LIPH: variants seen among roughly 807,000 people sequenced by gnomAD.
LIPH encodes lipase member H.
In LIPH, 32 loss-of-function variants were observed where a neutral mutation model predicts 47.6. The observed-to-expected ratio is 0.67, with a 90% CI of 0.51 to 0.90. The LOEUF (loss-of-function observed/expected upper bound fraction) is 0.90. LIPH is among the 40% of genes least tolerant of loss of function. The pLI, the probability that LIPH is intolerant of heterozygous loss-of-function variation, is 0.00. For synonymous variants in LIPH, 190 were observed against 195.6 expected (o/e 0.97, Z 0.24); for missense variants, 497 against 541.4 (o/e 0.92, Z 0.81).
Position 185,506,605 on chromosome 3 carries a change from G to A in LIPH, c.*2185C>T, listed in dbSNP as rs1719384360. ...CACACCTGTAATCCCAGAACTTTGA[G>A]AGGCCAAGGCCAGTGGATCACAAGG... On this transcript the variant is annotated 3_prime_UTR_variant, in exon 10 of 10. Transcript: ENST00000296252. The A allele has an allele frequency of 6.6e-6, 1 of 152,140 alleles. No individual in the cohort carries two copies. Among genetic ancestry groups the A allele is most frequent in the African/African-American group, 2.4e-5 (1 of 41,406 alleles). The allele number at this position is 152,140 out of a possible 1,614,324, so 9.4% of individuals were successfully genotyped here. A position where few individuals can be genotyped will look rare whatever the true frequency, so the allele number is the denominator to read the frequency against.
At position 185,534,783 on chromosome 3, in the gene LIPH, T is replaced by A. The variant is rs368077903; in HGVS notation, c.399A>T (p.Glu133Asp). Residue 133 changes from glutamate to aspartate, a missense_variant, in exon 2 of 10, where the codon GAA becomes GAT. Physicochemically the swap from Glu to Asp is conservative, Grantham distance 45. Coordinates refer to ENST00000296252, the MANE Select transcript of LIPH (RefSeq NM_139248.3). Reference sequence around the variant, plus strand: ...CTCTTACCAACATCTGGTCAATAAATTCCTTCAAGACCATGGCTACTTTTC... The same window carrying A: ...CTCTTACCAACATCTGGTCAATAAAATCCTTCAAGACCATGGCTACTTTTC... ...KTRKVAMVLK[E>D]FIDQMLAEGA... 3.1e-6 allele frequency: 5 copies of A among 1,613,790 alleles called. No homozygotes were observed. Among genetic ancestry groups the A allele is most frequent in the South Asian group, 1.1e-5 (1 of 91,062 alleles).
At position 185,533,596 on chromosome 3, in the gene LIPH, G is replaced by A. The variant is rs751934087; in HGVS notation, c.501C>T (p.Tyr167=). The A allele has an allele frequency of 1.4e-5, 23 of 1,612,980 alleles. No individual in the cohort carries two copies. Among genetic ancestry groups the A allele is most frequent in the East Asian group, 4.5e-5 (2 of 44,880 alleles). The change falls in exon 3 of 10, where the codon TAC becomes TAT. Residue 167 remains tyrosine (Y), a synonymous_variant. Coordinates refer to ENST00000296252, the MANE Select transcript of LIPH (RefSeq NM_139248.3). ...AHISGFVGEM[Y]DGWLGRITGL... is the part of the protein sequence containing the mutation. Reference sequence around the variant, plus strand: ...CTGTAATTCTCCCCAGCCATCCATCGTACATCTCTCCAACAAACCCAGATA... The same window carrying A: ...CTGTAATTCTCCCCAGCCATCCATCATACATCTCTCCAACAAACCCAGATA...
At chr3:185,515,798 T>C (rs1224841304) in intron 7 of LIPH, among the ~76,000 whole-genome samples, 1 of 152,206 alleles carries the variant, frequency 6.6e-6, no homozygotes, top group East Asian at 1.9e-4. Flanking sequence ...CCCAAAATGC[T>C]GGGAATGCAG....
rs1292070026 is a variant in LIPH at position 185,509,523 on chromosome 3, C to T, written c.1269-646G>A. Among the ~76,000 whole-genome samples the T allele has an allele frequency of 5.9e-5, 9 of 151,884 alleles. No individual in the cohort carries two copies. The South Asian group carries it at 8.3e-4, about 14-fold the overall frequency. ...CGTGTGCCTGTAATCCCAGCTACTT[C>T]GGAGGCTGAAGCAGGAGAATTGCTT... On this transcript the variant is annotated intron_variant, in intron 9 of 9. Transcript: ENST00000296252.
chr3:185,547,804 A>T (rs1423829250), intron 1 of LIPH, among the ~76,000 whole-genome samples: 1 of 151,518 alleles, frequency 6.6e-6, no homozygotes, highest in Non-Finnish European at 1.5e-5. Flanking sequence ...CAGCCTGGGC[A>T]ACAAGAGCAA....
chr3:185,532,275 G>A (rs1250802020), intron 3 of LIPH, among the ~76,000 whole-genome samples: 5 of 152,032 alleles, frequency 3.3e-5, no homozygotes, highest in African/African-American at 1.2e-4. Flanking sequence ...ACTTTGGGAG[G>A]CTGAAGTGAG....
At chr3:185,519,654 G>A (rs1311127760) in intron 5 of LIPH, among the ~76,000 whole-genome samples, 1 of 151,762 alleles carries the variant, frequency 6.6e-6, no homozygotes, top group Non-Finnish European at 1.5e-5. Flanking sequence ...TGGCCAACAT[G>A]GGGAAACCCC....
At chr3:185,525,156 G>A (rs889822285) in intron 4 of LIPH, among the ~76,000 whole-genome samples, 6 of 152,100 alleles carry the variant, frequency 3.9e-5, no homozygotes, top group Admixed American at 1.3e-4. Flanking sequence ...GGAGGGTGCC[G>A]TGAGCCAAAA....
At chr3:185,538,828 CATATATACATATATACACAT>C (rs1720597039) in intron 1 of LIPH, among the ~76,000 whole-genome samples, 1 of 21,324 alleles carries the variant, frequency 4.7e-5, no homozygotes, top group African/African-American at 1.2e-4. Context: ...CACACATATA[CATATATACATATATACACAT>C]ATATATACAT....
Position 185,506,602 on chromosome 3 carries a change from T to C in LIPH, c.*2188A>G, listed in dbSNP as rs1019096948. ...GCTCACACCTGTAATCCCAGAACTT[T>C]GAGAGGCCAAGGCCAGTGGATCACA... On this transcript the variant is annotated 3_prime_UTR_variant, in exon 10 of 10. Transcript: ENST00000296252. 6.6e-6 allele frequency: 1 copy of C among 151,986 alleles called. No homozygotes were observed. The highest frequency in any genetic ancestry group is 2.4e-5 in the African/African-American group (1 of 41,364). 9.4% of individuals were successfully genotyped at this position (151,986 alleles called of 1,614,324 possible).
At chr3:185,550,013 T>C (rs1429279712) in intron 1 of LIPH, among the ~76,000 whole-genome samples, 2 of 152,216 alleles carry the variant, frequency 1.3e-5, no homozygotes, top group East Asian at 1.9e-4. Flanking sequence ...GGTAAGATTA[T>C]GGCAAACATT....
chr3:185,506,311 A>G lies in LIPH; in HGVS notation c.*2479T>C, dbSNP rs1719378576. The G allele has an allele frequency of 6.6e-6, 1 of 152,204 alleles. No individual in the cohort carries two copies. The allele number at this position is 152,204 out of a possible 1,614,324, so 9.4% of individuals were successfully genotyped here. The stretch of plus-strand genomic sequence containing the variant: ...TCCTGATCACTGTTACATGAAACTT[A>G]CTGAAATTCATCTCCTCTCCGGTGA... On this transcript the variant is annotated 3_prime_UTR_variant, in exon 10 of 10. Coordinates refer to ENST00000296252, the MANE Select transcript of LIPH (RefSeq NM_139248.3).
intron 3 of LIPH, among the ~76,000 whole-genome samples, chr3:185,530,687 T>A (rs1720306651): frequency 1.3e-5 from 2 of 151,662 alleles, no homozygotes; most frequent in South Asian, 4.2e-4. Flanking sequence ...CAAAAATAAA[T>A]AAATAAAATT....
intron 7 of LIPH, among the ~76,000 whole-genome samples, chr3:185,515,528 T>TTA (rs1491271917): frequency 2.7e-5 from 4 of 148,800 alleles, no homozygotes; most frequent in African/African-American, 9.8e-5. Flanking sequence ...TTTTTTTTTT[T>TTA]AAAAGAATCT....
intron 1 of LIPH, 81 bp from the exon 2 acceptor site, chr3:185,535,213 G>A: frequency 6.5e-7 from 1 of 1,527,356 alleles, no homozygotes; most frequent in South Asian, 1.1e-5. Flanking sequence ...TATATTTGTA[G>A]GAGTTCTTCT....
At chr3:185,551,216 C>T (rs913221911) in intron 1 of LIPH, among the ~76,000 whole-genome samples, 3 of 152,068 alleles carry the variant, frequency 2.0e-5, no homozygotes, top group East Asian at 3.9e-4. Flanking sequence ...TTTAAAATAT[C>T]GAGTTCTCAG....
intron 3 of LIPH, 85 bp downstream of exon 3, chr3:185,533,486 C>A: frequency 1.1e-6 from 1 of 882,634 alleles, no homozygotes; most frequent in South Asian, 1.3e-5. Flanking sequence ...GCTTTGAACC[C>A]AAGGAGTTGG....
intron 9 of LIPH, among the ~76,000 whole-genome samples, chr3:185,511,304 A>G (rs1719555757): frequency 2.0e-5 from 3 of 151,818 alleles, no homozygotes; most frequent in South Asian, 2.1e-4. Flanking sequence ...AGCTGAAGCA[A>G]TCCTCCCAGC....
chr3:185,526,686 TATAAAATAAATAAA>T (rs1176460589), intron 4 of LIPH, among the ~76,000 whole-genome samples: 87 of 32,010 alleles, frequency 2.7e-3, no homozygotes, highest in South Asian at 0.017. Context: ...TATAATATAA[TATAAAATAAATAAA>T]ATAAAATAAA....
Sources: gnomAD v4.1 joint callset for allele counts (sites outside exome capture counted in the v4.1 genomes callset) on GRCh38, gnomAD v4.1.1 for gene constraint, MANE v1.5 for transcripts, NCBI Gene and HGNC (gene_info 2026-07-23, HGNC 2026-07-21) for gene names.